The following RELN variants were observed in gnomAD, a reference collection of about 807,000 sequenced individuals.
RELN encodes the protein reelin.
Under a neutral mutation model 427.6 loss-of-function variants are expected in RELN, and 108 were observed. The observed-to-expected ratio is 0.25, with a 90% CI of 0.22 to 0.30. The LOEUF (loss-of-function observed/expected upper bound fraction) is 0.30. RELN is among the 10% of genes least tolerant of loss of function. RELN has a pLI of 1.00. For missense variants in RELN, 3,715 were observed against 4,302.8 expected (o/e 0.86, Z 3.82); for synonymous variants, 1,524 against 1,513.4 (o/e 1.01, Z -0.16).
In RELN at chr7:103,963,248, A is replaced by G. The variant is rs112574039; in HGVS notation, c.226+25883T>C. Among the ~76,000 whole-genome samples, 462 of 151,842 alleles carry G rather than the reference A, an allele frequency of 3.0e-3. 3 individuals are homozygous for G. The highest frequency in any genetic ancestry group is 0.011 in the African/African-American group (437 of 41,348). ...TTTCTGGACAACCACTTGCAATCAT[A>G]AGACAAACCTTAAACCCACATGATA... On this transcript the variant is annotated intron_variant, in intron 1 of 64. Coordinates refer to ENST00000428762, the MANE Select transcript of RELN (RefSeq NM_005045.4).
At chr7:103,921,919 T>C (rs1447122389) in intron 1 of RELN, among the ~76,000 whole-genome samples, 1 of 152,204 alleles carries the variant, frequency 6.6e-6, no homozygotes, top group Non-Finnish European at 1.5e-5. Flanking sequence ...ATCTCTCTCA[T>C]GCAGTCTGTT....
chr7:103,922,410 C>T (rs1467128254), intron 1 of RELN, among the ~76,000 whole-genome samples: 2 of 152,028 alleles, frequency 1.3e-5, no homozygotes, highest in Admixed American at 6.6e-5. Context: ...TAAGACTTTA[C>T]ACCATTATCC....
intron 11 of RELN, among the ~76,000 whole-genome samples, chr7:103,667,299 T>G: frequency 6.6e-6 from 1 of 152,218 alleles, no homozygotes; most frequent in Non-Finnish European, 1.5e-5. Context: ...TGTTAACAAA[T>G]TAAAGGACGA....
In RELN at chr7:103,491,856, T is replaced by TCTCTCTCTCTCA. The variant is rs57217576; in HGVS notation, c.9443+96_9443+97insTGAGAGAGAGAG. On this transcript the variant is annotated intron_variant, in intron 58 of 64. Transcript: ENST00000428762. ...CTCTCTCTCTCTCTCTCTCTCTCTCTCACACACACACACACACACACACAC... is the reference window on the plus strand; with the variant it reads ...CTCTCTCTCTCTCTCTCTCTCTCTCTCTCTCTCTCTCACACACACACACACACACACACACAC... 1.9e-4 allele frequency: 55 copies of TCTCTCTCTCTCA among 288,622 alleles called. No homozygotes were observed. The East Asian group carries it at 3.5e-3, about 18-fold the overall frequency. The allele number at this position is 288,622 out of a possible 1,614,324, so 17.9% of individuals were successfully genotyped here.
chr7:103,929,250 C>T (rs569197071), intron 1 of RELN, among the ~76,000 whole-genome samples: 16 of 152,170 alleles, frequency 1.1e-4, no homozygotes, highest in Non-Finnish European at 1.9e-4. Context: ...AGCATAATGG[C>T]TGAAGAACCG....
intron 3 of RELN, among the ~76,000 whole-genome samples, chr7:103,779,653 T>G (rs1448542215): frequency 6.6e-6 from 1 of 152,202 alleles, no homozygotes; most frequent in Non-Finnish European, 1.5e-5. Flanking sequence ...TTCATTAACC[T>G]GGTTCAAAAA....
intron 4 of RELN, among the ~76,000 whole-genome samples, chr7:103,764,722 A>G (rs140475158): frequency 0.022 from 3,336 of 151,352 alleles, 125 homozygotes; most frequent in African/African-American, 0.075. Context: ...TGTAGTCCCA[A>G]CTACTCGGGA....
intron 8 of RELN, among the ~76,000 whole-genome samples, chr7:103,703,199 T>C: frequency 6.6e-6 from 1 of 152,074 alleles, no homozygotes; most frequent in East Asian, 1.9e-4. Flanking sequence ...GCTTTGGAAA[T>C]CTGCCTCACT....
intron 20 of RELN, among the ~76,000 whole-genome samples, chr7:103,619,079 A>C (rs543427545): frequency 6.6e-6 from 1 of 152,002 alleles, no homozygotes; most frequent in Non-Finnish European, 1.5e-5. Context: ...ACTGCACTCC[A>C]GCCTGGGCGA....
chr7:103,496,415 G>C (rs945740242), intron 56 of RELN, 111 bp downstream of exon 56: 1 of 1,390,248 alleles, frequency 7.2e-7, no homozygotes, highest in Non-Finnish European at 1.0e-6. Context: ...TGTTGAGCAG[G>C]AGTATGGGCT....
At chr7:103,711,369 C>T (rs947732819) in intron 8 of RELN, among the ~76,000 whole-genome samples, 1 of 152,178 alleles carries the variant, frequency 6.6e-6, no homozygotes, top group African/African-American at 2.4e-5. Flanking sequence ...CTGTACAGAG[C>T]TTGCACTGCA....
At chr7:103,929,475 G>A (rs10226485) in intron 1 of RELN, among the ~76,000 whole-genome samples, 80,192 of 151,924 alleles carry the variant, frequency 0.53, 21,787 homozygotes, top group East Asian at 0.74. Context: ...CCTAGGAGAC[G>A]TACAGAGTTA....
intron 52 of RELN, among the ~76,000 whole-genome samples, chr7:103,502,775 G>T (rs1447343584): frequency 2.6e-5 from 4 of 152,126 alleles, no homozygotes; most frequent in Non-Finnish European, 5.9e-5. Flanking sequence ...AGATACTGAG[G>T]TTTAGAAAAT....
chr7:103,547,408 T>C (rs1405130297), intron 41 of RELN, among the ~76,000 whole-genome samples: 1 of 151,244 alleles, frequency 6.6e-6, no homozygotes. Flanking sequence ...GCAATTCTTC[T>C]GCCTCAGCCT....
In RELN at chr7:103,551,271, C is replaced by T. The variant is rs765398764; in HGVS notation, c.6098G>A (p.Ser2033Asn). The T allele has an allele frequency of 1.2e-6, 2 of 1,613,758 alleles. No homozygotes were observed. Among genetic ancestry groups the T allele is most frequent in the South Asian group, 2.2e-5 (2 of 91,050 alleles). The change falls in exon 41 of 65, where the codon AGC (serine) becomes AAC (asparagine). Residue 2033 changes from serine (S) to asparagine (N), a missense_variant. By Grantham distance (46) the Ser-to-Asn change is conservative (BLOSUM62 1). Transcript: ENST00000428762. Reference sequence around the variant, plus strand: ...CAGTCTCACTGGATCCGCGGATGAGCTATCAGTCGAACAGCCAACGTTGAT... The same window carrying T: ...CAGTCTCACTGGATCCGCGGATGAGTTATCAGTCGAACAGCCAACGTTGAT... ...FEINVGCSTD[S>N]SSADPVRLEF...
intron 8 of RELN, among the ~76,000 whole-genome samples, chr7:103,720,081 A>G (rs1790037867): frequency 6.6e-6 from 1 of 151,866 alleles, no homozygotes; most frequent in Admixed American, 6.6e-5. Context: ...ATCTATATAC[A>G]CATGTATAAT....
rs398124195 is a variant in RELN at position 103,489,739 on chromosome 7, G to C, written c.9763+3C>G. 1 of 1,613,982 alleles carries C rather than the reference G, an allele frequency of 6.2e-7. No individual in the cohort carries two copies. The highest frequency in any genetic ancestry group is 8.5e-7 in the Non-Finnish European group (1 of 1,179,956). ...ATCAAAGTTGGCAGCCTGGGATTCA[G>C]ACCTTGGAAGCTCTCGTCGCAGATG... On this transcript the variant is annotated splice_donor_region_variant and intron_variant, in intron 60 of 64. Coordinates refer to ENST00000428762, the MANE Select transcript of RELN (RefSeq NM_005045.4).
intron 3 of RELN, among the ~76,000 whole-genome samples, chr7:103,807,588 A>G (rs1792630993): frequency 6.6e-6 from 1 of 152,092 alleles, no homozygotes; most frequent in Non-Finnish European, 1.5e-5. Flanking sequence ...CCCGATAGGT[A>G]GCCTGCCAAT....
chr7:103,812,473 G>C (rs557651661), intron 3 of RELN, among the ~76,000 whole-genome samples: 2 of 152,092 alleles, frequency 1.3e-5, no homozygotes, highest in African/African-American at 2.4e-5. Flanking sequence ...TGGAAATGTC[G>C]GAACAGCAAC....
Sources: allele counts gnomAD v4.1 joint callset (sites outside exome capture counted in the v4.1 genomes callset), GRCh38; gene constraint gnomAD v4.1.1; transcripts MANE v1.5; gene names NCBI Gene and HGNC (gene_info 2026-07-23, HGNC 2026-07-21).